MAPKAP1: variants seen among roughly 807,000 people sequenced by gnomAD.
MAPKAP1 encodes target of rapamycin complex 2 subunit MAPKAP1.
In MAPKAP1, 20 loss-of-function variants were observed where a neutral mutation model predicts 65.7. The ratio of observed to expected loss-of-function variants is 0.30; its 90% CI spans 0.21 to 0.44. The LOEUF (loss-of-function observed/expected upper bound fraction) is 0.44. Ranked by LOEUF, MAPKAP1 falls within the 20% of genes least tolerant of loss-of-function variation. The probability of loss-of-function intolerance (pLI) is 1.00; values close to 1 mark genes in which losing one functional copy is unlikely to be tolerated. For missense variants in MAPKAP1, 423 were observed against 648.0 expected (o/e 0.65, Z 3.77); for synonymous variants, 222 against 244.3 (o/e 0.91, Z 0.85).
intron 11 of MAPKAP1, among the ~76,000 whole-genome samples, chr9:125,444,203 A>G (rs1381925608): frequency 1.3e-5 from 2 of 152,264 alleles, no homozygotes; most frequent in Non-Finnish European, 2.9e-5. Flanking sequence ...AATAAACAGT[A>G]CATAAAAGGA....
chr9:125,663,931 T>C (rs756869405), intron 3 of MAPKAP1, among the ~76,000 whole-genome samples: 3 of 152,168 alleles, frequency 2.0e-5, no homozygotes, highest in African/African-American at 7.2e-5. Context: ...TATCATCAGC[T>C]TTATGAAAAA....
In MAPKAP1 at chr9:125,438,760, G is replaced by A; in HGVS notation, c.*127C>T. Reference sequence around the variant, plus strand: ...CGACACCTTCCCCGAGAGCCCACCTGCCCTGTGCCAGTGAGCCAGGGGCTG... The same window carrying A: ...CGACACCTTCCCCGAGAGCCCACCTACCCTGTGCCAGTGAGCCAGGGGCTG... On this transcript the variant is annotated 3_prime_UTR_variant, in exon 12 of 12. Transcript: ENST00000265960. The A allele has an allele frequency of 7.6e-7, 1 of 1,312,264 alleles. No homozygotes were observed. Among genetic ancestry groups the A allele is most frequent in the Non-Finnish European group, 1.1e-6 (1 of 942,652 alleles). 81.3% of individuals were successfully genotyped at this position (1,312,264 alleles called of 1,614,324 possible).
intron 9 of MAPKAP1, among the ~76,000 whole-genome samples, chr9:125,468,356 T>C (rs1397745061): frequency 1.3e-5 from 2 of 152,230 alleles, no homozygotes; most frequent in Non-Finnish European, 2.9e-5. Context: ...CCAAACTATA[T>C]GAGAAGGTAT....
In MAPKAP1 at chr9:125,558,238, C is replaced by T. The variant is rs756766459; in HGVS notation, c.848+1395G>A. 5.3e-5 allele frequency among the ~76,000 whole-genome samples: 8 copies of T among 152,092 alleles called. 1 individual carries two copies. The South Asian group carries it at 6.2e-4, about 12-fold the overall frequency. On this transcript the variant is annotated intron_variant, in intron 6 of 11. Coordinates refer to ENST00000265960, the MANE Select transcript of MAPKAP1 (RefSeq NM_001006617.3). Reference sequence around the variant, plus strand: ...AGTGAAACTGAGTAACATATACACACGATTATTATACAAGATTAAAAATAG... The same window carrying T: ...AGTGAAACTGAGTAACATATACACATGATTATTATACAAGATTAAAAATAG...
chr9:125,591,713 T>G (rs1831970426), intron 4 of MAPKAP1, among the ~76,000 whole-genome samples: 1 of 152,212 alleles, frequency 6.6e-6, no homozygotes, highest in South Asian at 2.1e-4. Context: ...GGCAGTTAGC[T>G]CTATCCTAAT....
At chr9:125,523,160 A>G (rs1829668233) in intron 7 of MAPKAP1, among the ~76,000 whole-genome samples, 1 of 152,108 alleles carries the variant, frequency 6.6e-6, no homozygotes, top group African/African-American at 2.4e-5. Flanking sequence ...TTTACATCTC[A>G]TTCAGTTAAC....
Position 125,673,157 on chromosome 9 carries a change from T to C in MAPKAP1, c.-69-514A>G, listed in dbSNP as rs76077574. Among the ~76,000 whole-genome samples, 1,938 of 152,336 alleles carry C rather than the reference T, an allele frequency of 0.013. 121 individuals are homozygous for C. The East Asian group carries it at 0.2, about 16-fold the overall frequency. On this transcript the variant is annotated intron_variant, in intron 1 of 11. Coordinates refer to ENST00000265960, the MANE Select transcript of MAPKAP1 (RefSeq NM_001006617.3). ...GTTACTAGGGGTTTTATAAAAATGATGTACCACCAAATTAATGTTGCTCAA... is the reference window on the plus strand; with the variant it reads ...GTTACTAGGGGTTTTATAAAAATGACGTACCACCAAATTAATGTTGCTCAA...
At chr9:125,645,954 T>A (rs937373734) in intron 4 of MAPKAP1, among the ~76,000 whole-genome samples, 19 of 151,044 alleles carry the variant, frequency 1.3e-4, no homozygotes, top group Admixed American at 3.9e-4. Flanking sequence ...ATAAAATTTT[T>A]AAAAATTTTT....
intron 5 of MAPKAP1, among the ~76,000 whole-genome samples, chr9:125,571,174 A>G (rs1236582121): frequency 6.6e-6 from 1 of 152,232 alleles, no homozygotes; most frequent in Non-Finnish European, 1.5e-5. Context: ...AAATTATGGG[A>G]AACTCCTATA....
intron 7 of MAPKAP1, among the ~76,000 whole-genome samples, chr9:125,539,108 T>A (rs1183631699): frequency 6.6e-6 from 1 of 152,220 alleles, no homozygotes; most frequent in Admixed American, 6.5e-5. Flanking sequence ...GCTCTGTAAT[T>A]CTAAACAGAT....
At position 125,459,181 on chromosome 9, in the gene MAPKAP1, G is replaced by A. The variant is rs1157930232; in HGVS notation, c.1345+8791C>T. Among the ~76,000 whole-genome samples, 9 of 148,124 alleles carry A rather than the reference G, an allele frequency of 6.1e-5. No homozygotes were observed. In the South Asian group the frequency reaches 8.8e-4, roughly 15 times the overall value. On this transcript the variant is annotated intron_variant, in intron 10 of 11. Transcript: ENST00000265960. ...GCGCTCCTCACATCCCAGACGGGGC[G>A]GCGGGGCAGAGGCGCTCCCCACATC...
chr9:125,618,724 A>T (rs1217577453), intron 4 of MAPKAP1, among the ~76,000 whole-genome samples: 1 of 152,224 alleles, frequency 6.6e-6, no homozygotes, highest in Non-Finnish European at 1.5e-5. Context: ...TGATAAAACA[A>T]CAACAAACAA....
At chr9:125,567,429 C>T (rs912309636) in intron 5 of MAPKAP1, 1 of 152,230 alleles carries the variant, frequency 6.6e-6, no homozygotes, top group African/African-American at 2.4e-5. Flanking sequence ...CACTGCTACA[C>T]TCCCACCAGC....
At chr9:125,686,590 G>A (rs1834986170) in intron 1 of MAPKAP1, among the ~76,000 whole-genome samples, 1 of 152,124 alleles carries the variant, frequency 6.6e-6, no homozygotes, top group Admixed American at 6.5e-5. Context: ...GGTTTATCCT[G>A]GAGCCCATCT....
chr9:125,532,944 G>A (rs1193261727), intron 7 of MAPKAP1, among the ~76,000 whole-genome samples: 1 of 152,208 alleles, frequency 6.6e-6, no homozygotes, highest in African/African-American at 2.4e-5. Flanking sequence ...CAAATAGGAG[G>A]TGGATTAAAG....
chr9:125,678,786 T>C (rs559687006), intron 1 of MAPKAP1, among the ~76,000 whole-genome samples: 2 of 152,260 alleles, frequency 1.3e-5, no homozygotes, highest in East Asian at 3.9e-4. Context: ...CGTCTTAATA[T>C]AATTTTGGAT....
At chr9:125,638,632 C>A (rs1833491490) in intron 4 of MAPKAP1, among the ~76,000 whole-genome samples, 1 of 152,176 alleles carries the variant, frequency 6.6e-6, no homozygotes, top group East Asian at 1.9e-4. Flanking sequence ...CCTCGATCTG[C>A]CCAAGATTAA....
At chr9:125,445,246 C>CCGT (rs1187627615) in intron 10 of MAPKAP1, among the ~76,000 whole-genome samples, 1 of 152,218 alleles carries the variant, frequency 6.6e-6, no homozygotes, top group Non-Finnish European at 1.5e-5. Flanking sequence ...TCTCCATGCC[C>CCGT]CGTCCTACCA....
At position 125,657,764 on chromosome 9, in the gene MAPKAP1, G is replaced by T; in HGVS notation, c.385C>A (p.Leu129Ile). The T allele has an allele frequency of 6.2e-7, 1 of 1,613,978 alleles. No homozygotes were observed. The highest frequency in any genetic ancestry group is 1.3e-5 in the African/African-American group (1 of 75,032). The change falls in exon 4 of 12, where the codon CTC (leucine) becomes ATC (isoleucine). Residue 129 changes from leucine (L) to isoleucine (I), a missense_variant. Physicochemically the swap from Leu to Ile is conservative, Grantham distance 5. This residue lies in a region of MAPKAP1 where 67 missense variants were observed against 69.6 expected (regional missense o/e 0.96). Transcript: ENST00000265960. ...ELKSLFEKKS[L>I]KEKPPISGKQ... is the part of the protein sequence containing the mutation. Reference sequence around the variant, plus strand: ...CCAGAAATTGGAGGCTTCTCTTTGAGAGATTTTTTTTCAAACAGTGACTTT... The same window carrying T: ...CCAGAAATTGGAGGCTTCTCTTTGATAGATTTTTTTTCAAACAGTGACTTT...
Sources: allele counts gnomAD v4.1 joint callset (sites outside exome capture counted in the v4.1 genomes callset), GRCh38; gene constraint gnomAD v4.1.1; regional missense constraint gnomAD v4.1.1; transcripts MANE v1.5; gene names NCBI Gene and HGNC (gene_info 2026-07-23, HGNC 2026-07-21).